COL22A1: variants seen among roughly 807,000 people sequenced by gnomAD.
The protein encoded by COL22A1 is collagen type XXII alpha 1 chain.
A neutral mutation model predicts 248.9 loss-of-function variants in COL22A1; 221 were observed. The ratio of observed to expected loss-of-function variants is 0.89; its 90% CI spans 0.80 to 0.99. COL22A1 has a LOEUF of 0.99. Among genes scored for constraint, COL22A1 ranks in the 50% least tolerant of loss-of-function variants. The pLI is 0.00. For missense variants in COL22A1, 2,240 were observed against 2,179.0 expected, an observed-to-expected ratio of 1.03 and a Z score of -0.56; for synonymous variants, 891 against 793.4, an observed-to-expected ratio of 1.12 and a Z score of -2.07.
intron 3 of COL22A1, among the ~76,000 whole-genome samples, chr8:138,860,055 C>A (rs182166666): frequency 6.2e-3 from 940 of 152,288 alleles, no homozygotes; most frequent in Non-Finnish European, 9.6e-3. Context: ...TCCTAACTAA[C>A]CAGCCAACCC....
intron 25 of COL22A1, 177 bp from the exon 26 acceptor site, chr8:138,722,266 T>C (rs374078343): frequency 8.0e-5 from 48 of 596,564 alleles, no homozygotes; most frequent in East Asian, 6.8e-4. Context: ...TCTGACCACA[T>C]TTCCCTTTGT....
intron 12 of COL22A1, among the ~76,000 whole-genome samples, chr8:138,789,027 C>G (rs1815800814): frequency 6.6e-6 from 1 of 152,198 alleles, no homozygotes; most frequent in Admixed American, 6.5e-5. Flanking sequence ...CCTCCCAGTT[C>G]AGGAGTCCAG....
intron 41 of COL22A1, among the ~76,000 whole-genome samples, chr8:138,668,270 A>G (rs1425477189): frequency 1.3e-5 from 2 of 152,192 alleles, no homozygotes; most frequent in African/African-American, 4.8e-5. Context: ...AAGGTAGCAG[A>G]TAAGAGGAAA....
At chr8:138,778,001 C>A (rs1054069) in intron 15 of COL22A1, 2 of 360,458 alleles carry the variant, frequency 5.5e-6, no homozygotes, top group South Asian at 4.7e-5. Flanking sequence ...TAGACTCCAC[C>A]CTTCTTACAA....
chr8:138,726,255 G>C (rs1458817210), intron 23 of COL22A1, among the ~76,000 whole-genome samples: 1 of 152,010 alleles, frequency 6.6e-6, no homozygotes, highest in Admixed American at 6.6e-5. Flanking sequence ...ACTTTGGAAG[G>C]CTGAGGCAAA....
chr8:138,764,480 T>C (rs1023731515), intron 16 of COL22A1, among the ~76,000 whole-genome samples: 1 of 152,182 alleles, frequency 6.6e-6, no homozygotes. Context: ...GTCCCCCCAT[T>C]CCCCATACCC....
At chr8:138,715,828 C>T (rs1829389162) in intron 29 of COL22A1, 93 bp from the exon 30 acceptor site, 2 of 890,910 alleles carry the variant, frequency 2.2e-6, no homozygotes, top group Admixed American at 4.2e-5. Context: ...TTTGGAAAAA[C>T]ATACATGTAT....
rs569465224 is a variant in COL22A1, at chr8:138,738,459, A to G, written c.2086-882T>C. Among the ~76,000 whole-genome samples, 14 of 152,316 alleles carry G rather than the reference A, an allele frequency of 9.2e-5. No individual in the cohort carries two copies. In the South Asian group the frequency reaches 2.9e-3, roughly 32 times the overall value. On this transcript the variant is annotated intron_variant, in intron 22 of 64. Coordinates refer to ENST00000303045, the MANE Select transcript of COL22A1 (RefSeq NM_152888.3). ...TTGATTAAATAAAAGCACTACAATCAAGAATTGAAAGTAAAATAAGACCTT... is the reference window on the plus strand; with the variant it reads ...TTGATTAAATAAAAGCACTACAATCGAGAATTGAAAGTAAAATAAGACCTT...
At chr8:138,614,052 CATT>C (rs1819118277) in intron 55 of COL22A1, 132 bp from the exon 56 acceptor site, 2 of 732,398 alleles carry the variant, frequency 2.7e-6, no homozygotes, top group South Asian at 3.3e-5. Flanking sequence ...CATGTTTCAT[CATT>C]AATTGTCCAT....
At chr8:138,868,684 C>G (rs1224156275) in intron 3 of COL22A1, among the ~76,000 whole-genome samples, 1 of 151,760 alleles carries the variant, frequency 6.6e-6, no homozygotes, top group East Asian at 1.9e-4. Flanking sequence ...GGTATTGACT[C>G]AATAGATCCT....
chr8:138,617,981 T>A (rs548676736), intron 53 of COL22A1, among the ~76,000 whole-genome samples: 1 of 152,296 alleles, frequency 6.6e-6, no homozygotes, highest in African/African-American at 2.4e-5. Flanking sequence ...GGCATCTTCC[T>A]CAAGGACCCC....
chr8:138,655,767 A>T, intron 45 of COL22A1, 130 bp downstream of exon 45: 1 of 801,890 alleles, frequency 1.2e-6, no homozygotes, highest in Non-Finnish European at 2.2e-6. Flanking sequence ...TGAGTTGTCA[A>T]CTAATGGCGC....
chr8:138,726,122 G>T (rs1017180135), intron 23 of COL22A1, among the ~76,000 whole-genome samples: 3 of 150,702 alleles, frequency 2.0e-5, no homozygotes, highest in Non-Finnish European at 4.4e-5. Context: ...AAACAGAAAC[G>T]TAAGACCCGT....
intron 62 of COL22A1, among the ~76,000 whole-genome samples, chr8:138,596,202 C>T (rs183621378): frequency 2.6e-4 from 40 of 152,328 alleles, no homozygotes; most frequent in African/African-American, 9.1e-4. Context: ...TTCCTCCCTC[C>T]CTAAGCATCT....
intron 11 of COL22A1, among the ~76,000 whole-genome samples, chr8:138,797,532 C>T (rs984289772): frequency 2.0e-5 from 3 of 152,148 alleles, no homozygotes; most frequent in Non-Finnish European, 2.9e-5. Flanking sequence ...TTGTAAATAA[C>T]GCTGCTATAA....
intron 38 of COL22A1, 146 bp downstream of exon 38, chr8:138,685,062 C>T: frequency 3.1e-6 from 2 of 647,056 alleles, no homozygotes; most frequent in Middle Eastern, 3.0e-4. Context: ...TTGTGCTGCC[C>T]TAGCCTGAAC....
At chr8:138,805,611 CG>C in intron 10 of COL22A1, among the ~76,000 whole-genome samples, 1 of 101,616 alleles carries the variant, frequency 9.8e-6, no homozygotes, top group South Asian at 3.1e-4. Flanking sequence ...TGGTGTGGGA[CG>C]GTGTGTGAGG....
At chr8:138,901,823 C>T (rs113109004) in intron 1 of COL22A1, among the ~76,000 whole-genome samples, 304 of 152,176 alleles carry the variant, frequency 2.0e-3, no homozygotes, top group African/African-American at 6.9e-3. Flanking sequence ...CCTACCTCTC[C>T]GGTGTCGCCT....
intron 3 of COL22A1, among the ~76,000 whole-genome samples, chr8:138,858,296 A>G (rs1822192733): frequency 6.6e-6 from 1 of 152,190 alleles, no homozygotes; most frequent in South Asian, 2.1e-4. Context: ...CAAGTTCAAT[A>G]TGGAGGACTT....
Sources: allele counts gnomAD v4.1 joint callset (sites outside exome capture counted in the v4.1 genomes callset), GRCh38; gene constraint gnomAD v4.1.1; transcripts MANE v1.5; gene names NCBI Gene and HGNC (gene_info 2026-07-23, HGNC 2026-07-21).